CCL28: variants seen among roughly 807,000 people sequenced by gnomAD.
CCL28 encodes the protein C-C motif chemokine ligand 28.
In CCL28, 4 loss-of-function variants were observed where a neutral mutation model predicts 7.1. The observed-to-expected ratio is 0.56, with a 90% CI of 0.28 to 1.29. The LOEUF is 1.29. Among genes scored for constraint, CCL28 ranks in the 50% most tolerant of loss-of-function variants. The pLI, the probability that CCL28 is intolerant of heterozygous loss-of-function variation, is 0.11. For missense variants in CCL28, 151 were observed against 163.4 expected (o/e 0.92, Z 0.41); for synonymous variants, 55 against 57.8 (o/e 0.95, Z 0.22).
At position 43,392,106 on chromosome 5, in the gene CCL28, A is replaced by ATTATTTATTTAT. The variant is rs35180804; in HGVS notation, c.65-3642_65-3631dup. Among the ~76,000 whole-genome samples, 144 of 151,490 alleles carry ATTATTTATTTAT rather than the reference A, an allele frequency of 9.5e-4. 1 individual carries two copies. The highest frequency in any genetic ancestry group is 2.8e-3 in the African/African-American group (117 of 41,080). On this transcript the variant is annotated intron_variant, in intron 1 of 2. Coordinates refer to ENST00000361115, the MANE Select transcript of CCL28 (RefSeq NM_148672.3). ...GGAGGCTTGAACATTTGCATATCTT[A>ATTATTTATTTAT]TTATTTATTTATTTATTTATTTATT... is the stretch of plus-strand genomic sequence containing the variant.
downstream of CCL28, among the ~76,000 whole-genome samples, chr5:43,373,617 A>G (rs566007549): frequency 2.0e-5 from 3 of 152,186 alleles, no homozygotes; most frequent in South Asian, 2.1e-4. Flanking sequence ...TGATATTTTT[A>G]TCTTTTAAAT....
chr5:43,401,492 T>C (rs1741038115), intron 1 of CCL28, among the ~76,000 whole-genome samples: 1 of 152,206 alleles, frequency 6.6e-6, no homozygotes, highest in African/African-American at 2.4e-5. Flanking sequence ...AGGTTTAAAT[T>C]ATCCTTCTGC....
At chr5:43,383,258 C>A (rs1377131119) in intron 2 of CCL28, among the ~76,000 whole-genome samples, 1 of 152,130 alleles carries the variant, frequency 6.6e-6, no homozygotes, top group Non-Finnish European at 1.5e-5. Flanking sequence ...GTCATCAGCT[C>A]TTACCAAATG....
At chr5:43,357,899 A>T in the CCL28 span, among the ~76,000 whole-genome samples, 1 of 151,898 alleles carries the variant, frequency 6.6e-6, no homozygotes, top group East Asian at 1.9e-4. Context: ...TCAGTGTGAC[A>T]CTCCCACCTC....
intron 2 of CCL28, chr5:43,387,879 G>C (rs1740406191): frequency 6.5e-6 from 1 of 153,264 alleles, no homozygotes; most frequent in Non-Finnish European, 1.5e-5. Context: ...CCCTGCCTTG[G>C]CCTCCCAAAG....
chr5:43,411,005 C>A (rs1474687090), intron 1 of CCL28, among the ~76,000 whole-genome samples: 1 of 152,160 alleles, frequency 6.6e-6, no homozygotes, highest in Admixed American at 6.5e-5. Flanking sequence ...AGTCCCTAAG[C>A]AAATGCCTGC....
At chr5:43,411,948 G>A (rs1435288303) in intron 1 of CCL28, among the ~76,000 whole-genome samples, 1 of 152,184 alleles carries the variant, frequency 6.6e-6, no homozygotes, top group Non-Finnish European at 1.5e-5. Flanking sequence ...GCCTCTAGCT[G>A]GGGATTTTCT....
chr5:43,372,984 A>T (rs945035828), downstream of CCL28, among the ~76,000 whole-genome samples: 4 of 151,116 alleles, frequency 2.6e-5, no homozygotes, highest in African/African-American at 9.7e-5. Flanking sequence ...TATTTTTAGC[A>T]AAGATGGGGT....
intron 2 of CCL28, among the ~76,000 whole-genome samples, chr5:43,383,566 A>G (rs1299893453): frequency 1.3e-5 from 2 of 152,170 alleles, no homozygotes; most frequent in Non-Finnish European, 2.9e-5. Flanking sequence ...CCCTATGTGT[A>G]TTAGATAGAG....
the CCL28 span, among the ~76,000 whole-genome samples, chr5:43,366,298 G>T: frequency 2.6e-5 from 4 of 152,156 alleles, no homozygotes; most frequent in Non-Finnish European, 5.9e-5. Context: ...TCATCTTCAT[G>T]GATTTATCTA....
At chr5:43,373,895 A>T (rs1254275547), downstream of CCL28, among the ~76,000 whole-genome samples, 1 of 152,216 alleles carries the variant, frequency 6.6e-6, no homozygotes, top group Non-Finnish European at 1.5e-5. Flanking sequence ...CTGGAAGAAA[A>T]ATGAGCAGAA....
At chr5:43,404,055 G>A (rs1741160197) in intron 1 of CCL28, among the ~76,000 whole-genome samples, 1 of 152,192 alleles carries the variant, frequency 6.6e-6, no homozygotes, top group South Asian at 2.1e-4. Flanking sequence ...AAAGTGACGG[G>A]GAGAATGGAA....
downstream of CCL28, among the ~76,000 whole-genome samples, chr5:43,371,744 G>A (rs984326534): frequency 6.6e-6 from 1 of 152,202 alleles, no homozygotes; most frequent in African/African-American, 2.4e-5. Context: ...CAGACACTAT[G>A]AGATAATAAA....
chr5:43,409,374 C>T (rs988492337), intron 1 of CCL28, among the ~76,000 whole-genome samples: 22 of 151,998 alleles, frequency 1.4e-4, no homozygotes, highest in Non-Finnish European at 2.2e-4. Context: ...TGCAGTGAGC[C>T]GAGATTGCAC....
At chr5:43,404,001 G>A (rs1458874947) in intron 1 of CCL28, among the ~76,000 whole-genome samples, 1 of 152,254 alleles carries the variant, frequency 6.6e-6, no homozygotes, top group East Asian at 1.9e-4. Context: ...AAGAAATATG[G>A]GACTATGTGA....
chr5:43,383,730 C>T (rs527986989), intron 2 of CCL28, among the ~76,000 whole-genome samples: 1 of 152,246 alleles, frequency 6.6e-6, no homozygotes, highest in South Asian at 2.1e-4. Flanking sequence ...CTACCCTTTC[C>T]AGAGGACTAA....
chr5:43,388,529 G>T (rs977805685), intron 1 of CCL28, 53 bp from the exon 2 acceptor site: 32 of 1,541,510 alleles, frequency 2.1e-5, no homozygotes, highest in Non-Finnish European at 2.8e-5. Flanking sequence ...TAGAACACTG[G>T]CATGGTTCTC....
At chr5:43,357,546 A>G in the CCL28 span, among the ~76,000 whole-genome samples, 1 of 152,308 alleles carries the variant, frequency 6.6e-6, no homozygotes, top group East Asian at 1.9e-4. Context: ...AGAATGGGAA[A>G]ACAACAAAAG....
chr5:43,386,502 TC>T (rs1740341263), intron 2 of CCL28, among the ~76,000 whole-genome samples: 1 of 152,198 alleles, frequency 6.6e-6, no homozygotes, highest in Non-Finnish European at 1.5e-5. Flanking sequence ...TTCTCCCTTC[TC>T]CCACAAAGAC....
Sources: gnomAD v4.1 joint callset for allele counts (sites outside exome capture counted in the v4.1 genomes callset) on GRCh38, gnomAD v4.1.1 for gene constraint, MANE v1.5 for transcripts, NCBI Gene and HGNC (gene_info 2026-07-23, HGNC 2026-07-21) for gene names.